Variants in SEC22A observed in about 807,000 individuals in gnomAD.
The protein encoded by SEC22A is SEC22 homolog A, vesicle trafficking protein, also known as vesicle-trafficking protein SEC22a.
A neutral mutation model predicts 35.3 loss-of-function variants in SEC22A; 22 were observed. That is an observed-to-expected ratio of 0.62 (90% CI 0.45 to 0.89). The LOEUF is 0.89. SEC22A is among the 40% of genes least tolerant of loss of function. The pLI is 0.00. For synonymous variants in SEC22A, 119 were observed against 129.5 expected, an observed-to-expected ratio of 0.92 and a Z score of 0.55; for missense variants, 354 against 362.5, an observed-to-expected ratio of 0.98 and a Z score of 0.19.
At chr3:123,214,908 T>C (rs9822002) in intron 2 of SEC22A, among the ~76,000 whole-genome samples, 30,741 of 152,030 alleles carry the variant, frequency 0.2, 3,203 homozygotes, top group Middle Eastern at 0.28. Context: ...TCCTAATGTT[T>C]TTTCCTTGCC....
At chr3:123,205,262 A>G (rs2108022449) in intron 1 of SEC22A, among the ~76,000 whole-genome samples, 1 of 152,240 alleles carries the variant, frequency 6.6e-6, no homozygotes, top group East Asian at 1.9e-4. Flanking sequence ...TGGTAGAAAG[A>G]GGTTTAATTT....
At chr3:123,262,501 A>G (rs930159346) in intron 6 of SEC22A, among the ~76,000 whole-genome samples, 4 of 152,234 alleles carry the variant, frequency 2.6e-5, no homozygotes, top group Non-Finnish European at 5.9e-5. Context: ...CTAATGATGC[A>G]AAAGTGATAT....
At chr3:123,240,739 G>A (rs766191109) in intron 4 of SEC22A, among the ~76,000 whole-genome samples, 6 of 151,950 alleles carry the variant, frequency 3.9e-5, no homozygotes, top group Non-Finnish European at 8.8e-5. Context: ...CAAGCAATTT[G>A]TGAGCATTTT....
chr3:123,235,093 A>G (rs572473368), intron 4 of SEC22A, among the ~76,000 whole-genome samples: 5 of 152,090 alleles, frequency 3.3e-5, no homozygotes, highest in African/African-American at 1.2e-4. Context: ...AGTTCTTACA[A>G]TGTTGCCCAG....
intron 1 of SEC22A, among the ~76,000 whole-genome samples, chr3:123,202,699 T>G (rs1936770069): frequency 6.6e-6 from 1 of 152,148 alleles, no homozygotes. Flanking sequence ...GCTGCTTAGT[T>G]TCCTGGATCA....
chr3:123,206,762 G>T (rs1393246787), intron 1 of SEC22A, among the ~76,000 whole-genome samples: 1 of 152,152 alleles, frequency 6.6e-6, no homozygotes, highest in Non-Finnish European at 1.5e-5. Flanking sequence ...GTAGTAAAAA[G>T]ACTAATTTGC....
intron 5 of SEC22A, among the ~76,000 whole-genome samples, chr3:123,254,521 C>A (rs1213272008): frequency 1.3e-5 from 2 of 152,174 alleles, no homozygotes; most frequent in Non-Finnish European, 2.9e-5. Context: ...TGTCCTTGTT[C>A]CTAACCTCTG....
intron 2 of SEC22A, among the ~76,000 whole-genome samples, chr3:123,221,995 A>G (rs1158195289): frequency 3.3e-5 from 5 of 152,140 alleles, no homozygotes; most frequent in African/African-American, 1.2e-4. Flanking sequence ...TTCTAAAATT[A>G]GGGATATTCT....
intron 6 of SEC22A, among the ~76,000 whole-genome samples, chr3:123,260,160 A>AC (rs1937853624): frequency 1.5e-5 from 2 of 134,306 alleles, no homozygotes; most frequent in African/African-American, 5.5e-5. Context: ...AAAAAAAAAA[A>AC]AAAAAAAAAC....
At chr3:123,220,867 C>CATATATATATATATATATAT (rs563341393) in intron 2 of SEC22A, among the ~76,000 whole-genome samples, 1,982 of 96,566 alleles carry the variant, frequency 0.021, 164 homozygotes, top group Non-Finnish European at 0.03. Flanking sequence ...AAAAAGGTCT[C>CATATATATATATATATATAT]ATATATATAT....
chr3:123,249,547 T>TG (rs1454299078), intron 5 of SEC22A, among the ~76,000 whole-genome samples: 1 of 152,070 alleles, frequency 6.6e-6, no homozygotes, highest in Non-Finnish European at 1.5e-5. Flanking sequence ...GTATTTGAGA[T>TG]GGAGTCTCAT....
intron 4 of SEC22A, among the ~76,000 whole-genome samples, chr3:123,230,699 C>CAAAAAAAA (rs376679473): frequency 8.4e-5 from 4 of 47,390 alleles, no homozygotes; most frequent in African/African-American, 2.4e-4. Context: ...TCACTTCATG[C>CAAAAAAAA]AAAAAAAAAA....
At chr3:123,208,062 A>G (rs1017077704) in intron 1 of SEC22A, among the ~76,000 whole-genome samples, 17 of 152,158 alleles carry the variant, frequency 1.1e-4, no homozygotes, top group African/African-American at 2.2e-4. Flanking sequence ...CTTTTTCTGC[A>G]TCCGTTTTTC....
intron 4 of SEC22A, among the ~76,000 whole-genome samples, chr3:123,233,887 T>A (rs939947184): frequency 3.3e-5 from 5 of 152,198 alleles, no homozygotes; most frequent in African/African-American, 1.2e-4. Flanking sequence ...AAAAGGCATG[T>A]AGATTGCAAA....
At chr3:123,237,007 G>T (rs996315958) in intron 4 of SEC22A, among the ~76,000 whole-genome samples, 2 of 152,196 alleles carry the variant, frequency 1.3e-5, no homozygotes, top group African/African-American at 4.8e-5. Context: ...GCTGATCCTG[G>T]TATTAGCAGC....
intron 1 of SEC22A, among the ~76,000 whole-genome samples, chr3:123,206,976 T>A (rs1936864504): frequency 6.6e-6 from 1 of 152,172 alleles, no homozygotes; most frequent in South Asian, 2.1e-4. Context: ...TAATCCTAGC[T>A]ACTCGCGAGG....
At chr3:123,202,599 C>T (rs1275900704) in intron 1 of SEC22A, among the ~76,000 whole-genome samples, 2 of 152,090 alleles carry the variant, frequency 1.3e-5, no homozygotes, top group African/African-American at 4.8e-5. Context: ...ATTGGCTCGG[C>T]AAGTGGAGGA....
At chr3:123,256,255 C>T (rs866089812) in intron 5 of SEC22A, among the ~76,000 whole-genome samples, 14 of 152,264 alleles carry the variant, frequency 9.2e-5, no homozygotes, top group Middle Eastern at 3.4e-3. Context: ...AGTTAGATCT[C>T]TGGATCAAAC....
At chr3:123,221,078 G>C (rs1937114834) in intron 2 of SEC22A, among the ~76,000 whole-genome samples, 1 of 151,688 alleles carries the variant, frequency 6.6e-6, no homozygotes, top group South Asian at 2.1e-4. Flanking sequence ...TTTGAATCCT[G>C]TGAACATATT....
Sources: gnomAD v4.1 joint callset for allele counts (sites outside exome capture counted in the v4.1 genomes callset) on GRCh38, gnomAD v4.1.1 for gene constraint, MANE v1.5 for transcripts, NCBI Gene and HGNC (gene_info 2026-07-23, HGNC 2026-07-21) for gene names.